Variants in AHI1 observed in about 807,000 individuals in gnomAD.
AHI1 encodes the protein jouberin.
In AHI1, 123 loss-of-function variants were observed where a neutral mutation model predicts 149.3. That is an observed-to-expected ratio of 0.82 (90% CI 0.71 to 0.96). The LOEUF is 0.96. Among genes scored for constraint, AHI1 ranks in the 40% least tolerant of loss-of-function variants. The pLI is 0.00. For synonymous variants in AHI1, 475 were observed against 459.8 expected (o/e 1.03, Z -0.42); for missense variants, 1,439 against 1,422.7 (o/e 1.01, Z -0.18).
chr6:135,294,698 C>CAAAAAAAAA (rs56734547), intron 27 of AHI1, among the ~76,000 whole-genome samples: 183 of 67,818 alleles, frequency 2.7e-3, no homozygotes, highest in Middle Eastern at 0.012. Flanking sequence ...TCTCCAAATG[C>CAAAAAAAAA]AAAAAAAAAA....
chr6:135,364,568 C>G (rs1281419892), intron 23 of AHI1, among the ~76,000 whole-genome samples: 3 of 151,082 alleles, frequency 2.0e-5, no homozygotes, highest in African/African-American at 7.3e-5. Context: ...TGTAGCGAGC[C>G]GAGATCACGC....
At chr6:135,353,806 A>T (rs10484492) in intron 24 of AHI1, among the ~76,000 whole-genome samples, 4,457 of 152,202 alleles carry the variant, frequency 0.029, 215 homozygotes, top group African/African-American at 0.1. Flanking sequence ...ACAAAATAAG[A>T]CTAACGCATA....
At chr6:135,484,813 G>C (rs974961979) in intron 5 of AHI1, among the ~76,000 whole-genome samples, 6 of 150,014 alleles carry the variant, frequency 4.0e-5, no homozygotes, top group Non-Finnish European at 3.0e-5. Context: ...AATACTTATT[G>C]AGTCTTCTGT....
chr6:135,377,139 T>G lies in AHI1; in HGVS notation c.3109+17637A>C, dbSNP rs181456033. 4.0e-3 allele frequency among the ~76,000 whole-genome samples: 605 copies of G among 152,228 alleles called. 1 individual carries two copies. Among genetic ancestry groups the G allele is most frequent in the Middle Eastern group, 6.8e-3 (2 of 292 alleles). Reference sequence around the variant, plus strand: ...TAGATTAGAATCTTGGTTATTTTTCTTAGGTATGATAATGGTACTGTGGTT... The same window carrying G: ...TAGATTAGAATCTTGGTTATTTTTCGTAGGTATGATAATGGTACTGTGGTT... On this transcript the variant is annotated intron_variant, in intron 23 of 28. Transcript: ENST00000265602.
At chr6:135,308,489 G>A (rs757165453) in intron 26 of AHI1, among the ~76,000 whole-genome samples, 7 of 152,104 alleles carry the variant, frequency 4.6e-5, no homozygotes, top group Non-Finnish European at 5.9e-5. Context: ...ATCCACCCTG[G>A]CCTCCCAAAA....
intron 27 of AHI1, among the ~76,000 whole-genome samples, chr6:135,298,494 C>T (rs1485237175): frequency 6.6e-6 from 1 of 152,146 alleles, no homozygotes; most frequent in Non-Finnish European, 1.5e-5. Flanking sequence ...TGTCCATTTA[C>T]TTGGGTACAA....
intron 22 of AHI1, among the ~76,000 whole-genome samples, chr6:135,402,895 T>C (rs1562680802): frequency 6.6e-6 from 1 of 151,854 alleles, no homozygotes; most frequent in Non-Finnish European, 1.5e-5. Flanking sequence ...GAGTACTTAT[T>C]TTTTTGGGGA....
At chr6:135,352,333 C>T (rs1293138668) in intron 24 of AHI1, among the ~76,000 whole-genome samples, 2 of 152,096 alleles carry the variant, frequency 1.3e-5, no homozygotes, top group Non-Finnish European at 2.9e-5. Flanking sequence ...ATCTCATCTA[C>T]GCTGCTGCAG....
chr6:135,428,768 A>G lies in AHI1; in HGVS notation c.2493-9T>C, dbSNP rs1784254302. 7 of 1,591,352 alleles carry G rather than the reference A, an allele frequency of 4.4e-6. No homozygotes were observed. The East Asian group carries it at 1.6e-4, about 36-fold the overall frequency. On this transcript the variant is annotated splice_polypyrimidine_tract_variant and intron_variant, in intron 18 of 28. Coordinates refer to ENST00000265602, the MANE Select transcript of AHI1 (RefSeq NM_001134831.2). ...ACTTCCTTGCTACTAATCTACAAGCAAAAAAGATTTTACAAATGTAACTGT... is the reference window on the plus strand; with the variant it reads ...ACTTCCTTGCTACTAATCTACAAGCGAAAAAGATTTTACAAATGTAACTGT...
At chr6:135,306,089 G>A (rs1013221657) in intron 26 of AHI1, among the ~76,000 whole-genome samples, 1 of 152,128 alleles carries the variant, frequency 6.6e-6, no homozygotes, top group African/African-American at 2.4e-5. Flanking sequence ...TAAGTGCAAG[G>A]ACTATTTTTG....
In AHI1 at chr6:135,370,521, T is replaced by C. The variant is rs114416396; in HGVS notation, c.3110-12334A>G. ...AGCTAATCTCTCCTTGCCTCAGCAG[T>C]AGCTCTGATTATAGAAGGCTTGCTC... On this transcript the variant is annotated intron_variant, in intron 23 of 28. Coordinates refer to ENST00000265602, the MANE Select transcript of AHI1 (RefSeq NM_001134831.2). 9.4e-3 allele frequency among the ~76,000 whole-genome samples: 1,429 copies of C among 152,328 alleles called. 18 individuals carry two copies. Among genetic ancestry groups the C allele is most frequent in the African/African-American group, 0.032 (1,335 of 41,550 alleles).
At position 135,337,969 on chromosome 6, in the gene AHI1, T is replaced by C. The variant is rs538006674; in HGVS notation, c.3166-14645A>G. ...TGGTTTATGGGGAAGAAGATAAGGA[T>C]ATAATAAGAGAAAGGATAATGAAGA... is the stretch of plus-strand genomic sequence containing the variant. On this transcript the variant is annotated intron_variant, in intron 24 of 28. Coordinates refer to ENST00000265602, the MANE Select transcript of AHI1 (RefSeq NM_001134831.2). Among the ~76,000 whole-genome samples the C allele has an allele frequency of 1.8e-3, 280 of 151,962 alleles. 1 individual carries two copies. Among genetic ancestry groups the C allele is most frequent in the African/African-American group, 6.6e-3 (272 of 41,440 alleles).
chr6:135,342,528 A>G (rs1790535055), intron 24 of AHI1, among the ~76,000 whole-genome samples: 1 of 151,900 alleles, frequency 6.6e-6, no homozygotes, highest in South Asian at 2.1e-4. Context: ...ACATATGAAA[A>G]AGATTATATT....
At chr6:135,397,689 A>T (rs1237703119) in intron 22 of AHI1, among the ~76,000 whole-genome samples, 1 of 152,052 alleles carries the variant, frequency 6.6e-6, no homozygotes, top group African/African-American at 2.4e-5. Flanking sequence ...GCACAATATT[A>T]AGCAAGCTGA....
At chr6:135,430,202 T>C (rs946237209) in intron 17 of AHI1, among the ~76,000 whole-genome samples, 1 of 151,966 alleles carries the variant, frequency 6.6e-6, no homozygotes, top group African/African-American at 2.4e-5. Context: ...TGTTATGCAA[T>C]GTGCAAATGC....
intron 28 of AHI1, among the ~76,000 whole-genome samples, chr6:135,288,350 G>C (rs986046295): frequency 2.6e-5 from 4 of 151,976 alleles, no homozygotes; most frequent in Non-Finnish European, 5.9e-5. Context: ...TCCTAGTTCA[G>C]GTACTTTGTA....
intron 28 of AHI1, among the ~76,000 whole-genome samples, chr6:135,287,699 T>C (rs1050383716): frequency 1.3e-5 from 2 of 152,212 alleles, no homozygotes; most frequent in African/African-American, 4.8e-5. Context: ...GCTCTTGTGA[T>C]GAAAAGAGAA....
chr6:135,451,937 G>A (rs1377119073), intron 11 of AHI1, among the ~76,000 whole-genome samples: 5 of 151,740 alleles, frequency 3.3e-5, no homozygotes, highest in African/African-American at 9.7e-5. Context: ...GGTGATCATC[G>A]ATAGCACACT....
intron 26 of AHI1, among the ~76,000 whole-genome samples, chr6:135,306,349 G>T (rs771795727): frequency 6.6e-6 from 1 of 152,156 alleles, no homozygotes; most frequent in Non-Finnish European, 1.5e-5. Context: ...AGCTGCAGGA[G>T]GGTAAAATTA....
Sources: allele counts gnomAD v4.1 joint callset (sites outside exome capture counted in the v4.1 genomes callset), GRCh38; gene constraint gnomAD v4.1.1; transcripts MANE v1.5; gene names NCBI Gene and HGNC (gene_info 2026-07-23, HGNC 2026-07-21).